The following FBP2 variants were observed in gnomAD, a reference collection of about 807,000 sequenced individuals.
The protein encoded by FBP2 is fructose-bisphosphatase 2, also known as fructose-1,6-bisphosphatase isozyme 2.
Under a neutral mutation model 31.6 loss-of-function variants are expected in FBP2, and 27 were observed. That is an observed-to-expected ratio of 0.85 (90% CI 0.63 to 1.18). The LOEUF (loss-of-function observed/expected upper bound fraction) is 1.18, where lower values mean the gene tolerates loss of function less well. Ranked by LOEUF, FBP2 falls within the 50% of genes most tolerant of loss-of-function variation. FBP2 has a pLI of 0.00. For missense variants in FBP2, 421 were observed against 436.1 expected, an observed-to-expected ratio of 0.97 and a Z score of 0.31; for synonymous variants, 168 against 179.8, an observed-to-expected ratio of 0.93 and a Z score of 0.53.
intron 6 of FBP2, among the ~76,000 whole-genome samples, chr9:94,561,936 C>T (rs1827111513): frequency 6.6e-6 from 1 of 152,136 alleles, no homozygotes; most frequent in Non-Finnish European, 1.5e-5. Context: ...GACTCATTTA[C>T]GATCATTTGA....
chr9:94,583,231 GAAGTAT>G (rs1392046824), intron 3 of FBP2, among the ~76,000 whole-genome samples: 1 of 152,150 alleles, frequency 6.6e-6, no homozygotes, highest in Non-Finnish European at 1.5e-5. Flanking sequence ...TGGGGACCAT[GAAGTAT>G]AAGTAAAACT....
chr9:94,591,547 G>A (rs531094890), intron 1 of FBP2, among the ~76,000 whole-genome samples: 1 of 152,348 alleles, frequency 6.6e-6, no homozygotes, highest in South Asian at 2.1e-4. Flanking sequence ...CCTGAAAGCT[G>A]AGGGAGTGGG....
intron 3 of FBP2, among the ~76,000 whole-genome samples, chr9:94,580,449 TC>T (rs1827363608): frequency 6.6e-6 from 1 of 152,190 alleles, no homozygotes; most frequent in Admixed American, 6.5e-5. Flanking sequence ...ACTCCTGGCC[TC>T]AAGTGATCCA....
At chr9:94,586,755 G>A (rs1156661838) in intron 2 of FBP2, 2 of 152,536 alleles carry the variant, frequency 1.3e-5, no homozygotes, top group Admixed American at 1.3e-4. Flanking sequence ...AATAAGCTGT[G>A]TGTGAACCCA....
intron 5 of FBP2, among the ~76,000 whole-genome samples, chr9:94,565,290 G>A (rs746529707): frequency 2.0e-5 from 3 of 147,866 alleles, no homozygotes; most frequent in Non-Finnish European, 3.0e-5. Context: ...CAGGAGAATC[G>A]CTTGAACCAG....
At chr9:94,580,566 T>G (rs1827364749) in intron 3 of FBP2, among the ~76,000 whole-genome samples, 1 of 152,248 alleles carries the variant, frequency 6.6e-6, no homozygotes, top group African/African-American at 2.4e-5. Context: ...AATGAGCAAC[T>G]ATTGTTTAAC....
rs55778806 is a variant in FBP2, at chr9:94,579,050, CA to C, written c.426+5526del. Reference sequence around the variant, plus strand: ...CCTGGGCAACAGAGAGAGACTCTGTCAAAAAAAAAAAAAAAAAAAGGTTATT... The same window carrying C: ...CCTGGGCAACAGAGAGAGACTCTGTCAAAAAAAAAAAAAAAAAAGGTTATT... On this transcript the variant is annotated intron_variant, in intron 3 of 6. Transcript: ENST00000375337. 1.9e-3 allele frequency among the ~76,000 whole-genome samples: 57 copies of C among 30,592 alleles called. 3 individuals carry two copies. Among genetic ancestry groups the C allele is most frequent in the Middle Eastern group, 0.025 (1 of 40 alleles). 20.1% of individuals were successfully genotyped at this position (30,592 alleles called of 152,430 possible). A position where few individuals can be genotyped will look rare whatever the true frequency, so the allele number is the denominator to read the frequency against.
chr9:94,560,277 A>G (rs1827077330), intron 6 of FBP2, among the ~76,000 whole-genome samples: 2 of 152,216 alleles, frequency 1.3e-5, no homozygotes, highest in Admixed American at 1.3e-4. Flanking sequence ...GGCCTTCTCT[A>G]ACCCTCCTGC....
At chr9:94,585,197 C>T (rs1827413656) in intron 2 of FBP2, among the ~76,000 whole-genome samples, 1 of 151,898 alleles carries the variant, frequency 6.6e-6, no homozygotes, top group Non-Finnish European at 1.5e-5. Context: ...CCTTGCTCAG[C>T]CAGAGTAGAA....
intron 3 of FBP2, among the ~76,000 whole-genome samples, chr9:94,579,050 CAAAAAA>C (rs55778806): frequency 3.3e-5 from 1 of 30,606 alleles, no homozygotes; most frequent in Non-Finnish European, 5.1e-5. Context: ...GAGACTCTGT[CAAAAAA>C]AAAAAAAAAA....
At chr9:94,591,458 C>T (rs559309709) in intron 1 of FBP2, among the ~76,000 whole-genome samples, 8 of 152,002 alleles carry the variant, frequency 5.3e-5, no homozygotes, top group African/African-American at 1.7e-4. Flanking sequence ...GCCAAGCCCA[C>T]GCCCACCCGG....
intron 1 of FBP2, among the ~76,000 whole-genome samples, chr9:94,588,963 G>A (rs1007391467): frequency 6.6e-6 from 1 of 152,178 alleles, no homozygotes; most frequent in Non-Finnish European, 1.5e-5. Context: ...CCATGTGACG[G>A]CCACCCCAGT....
chr9:94,573,638 A>C (rs2679601), intron 3 of FBP2, among the ~76,000 whole-genome samples: 138,921 of 152,290 alleles, frequency 0.91, 63,432 homozygotes, highest in Non-Finnish European at 0.92. Flanking sequence ...CTGACTGATT[A>C]TGAATACTGG....
chr9:94,582,351 C>CGCGTGTGT (rs1228485244), intron 3 of FBP2, among the ~76,000 whole-genome samples: 19 of 147,852 alleles, frequency 1.3e-4, no homozygotes, highest in African/African-American at 4.7e-4. Flanking sequence ...TGTGTGTGTG[C>CGCGTGTGT]GTGTGTGTGT....
chr9:94,581,484 G>A (rs1484517852), intron 3 of FBP2, among the ~76,000 whole-genome samples: 5 of 152,114 alleles, frequency 3.3e-5, no homozygotes, highest in African/African-American at 1.2e-4. Flanking sequence ...TGAATGCCTG[G>A]CCACCTCCAT....
At chr9:94,559,367 T>A (rs1212266461) in intron 6 of FBP2, among the ~76,000 whole-genome samples, 1 of 152,246 alleles carries the variant, frequency 6.6e-6, no homozygotes, top group Non-Finnish European at 1.5e-5. Flanking sequence ...CTGAGCCATG[T>A]ATCTACCCAT....
chr9:94,574,960 A>G (rs1827302296), intron 3 of FBP2, among the ~76,000 whole-genome samples: 1 of 152,138 alleles, frequency 6.6e-6, no homozygotes, highest in East Asian at 1.9e-4. Context: ...ATTTTTTTCT[A>G]CACCAATAAA....
At chr9:94,577,070 G>A (rs535888956) in intron 3 of FBP2, among the ~76,000 whole-genome samples, 4 of 152,116 alleles carry the variant, frequency 2.6e-5, no homozygotes, top group Non-Finnish European at 5.9e-5. Flanking sequence ...ACCTTGACTG[G>A]TGACTTGCAA....
chr9:94,562,115 T>G (rs546559312), intron 6 of FBP2, among the ~76,000 whole-genome samples: 6 of 151,868 alleles, frequency 4.0e-5, no homozygotes, highest in South Asian at 2.1e-4. Flanking sequence ...ATCGAGACCA[T>G]CCTGGCTAAC....
Sources: gnomAD v4.1 joint callset for allele counts (sites outside exome capture counted in the v4.1 genomes callset) on GRCh38, gnomAD v4.1.1 for gene constraint, MANE v1.5 for transcripts, NCBI Gene and HGNC (gene_info 2026-07-23, HGNC 2026-07-21) for gene names.